B3GLCT: variants seen among roughly 807,000 people sequenced by gnomAD.
The protein encoded by B3GLCT is beta 3-glucosyltransferase.
In B3GLCT, 65 loss-of-function variants were observed where a neutral mutation model predicts 63.4. The observed-to-expected ratio is 1.03, with a 90% CI of 0.84 to 1.26. The LOEUF is 1.26. B3GLCT is among the 50% of genes most tolerant of loss of function. B3GLCT has a pLI of 0.00. For synonymous variants in B3GLCT, 233 were observed against 219.2 expected (o/e 1.06, Z -0.55); for missense variants, 577 against 604.8 (o/e 0.95, Z 0.48).
chr13:31,275,441 A>T (rs913073889), intron 9 of B3GLCT, among the ~76,000 whole-genome samples: 1 of 152,170 alleles, frequency 6.6e-6, no homozygotes, highest in Non-Finnish European at 1.5e-5. Context: ...TTGATGATGT[A>T]GGATGCATTG....
At chr13:31,275,624 AG>A (rs1872747254) in intron 9 of B3GLCT, among the ~76,000 whole-genome samples, 2 of 152,188 alleles carry the variant, frequency 1.3e-5, no homozygotes, top group African/African-American at 4.8e-5. Context: ...GGCAGACCCA[AG>A]GTCCAGCCCC....
At chr13:31,322,711 T>A (rs1875390860) in intron 13 of B3GLCT, among the ~76,000 whole-genome samples, 1 of 152,144 alleles carries the variant, frequency 6.6e-6, no homozygotes, top group African/African-American at 2.4e-5. Context: ...ATAAAGTTAG[T>A]TTTTCAGAGA....
At chr13:31,287,882 A>G (rs1281653319) in intron 12 of B3GLCT, among the ~76,000 whole-genome samples, 1 of 152,220 alleles carries the variant, frequency 6.6e-6, no homozygotes. Context: ...GATGGGTTTA[A>G]TAGCAAATTC....
intron 13 of B3GLCT, 138 bp downstream of exon 13, chr13:31,317,823 G>T: frequency 9.8e-7 from 1 of 1,019,382 alleles, no homozygotes; most frequent in Non-Finnish European, 1.5e-6. Flanking sequence ...ATAGGAAAGT[G>T]AACATTATAT....
At chr13:31,318,056 G>A (rs542871383) in intron 13 of B3GLCT, among the ~76,000 whole-genome samples, 12 of 152,022 alleles carry the variant, frequency 7.9e-5, no homozygotes, top group South Asian at 6.2e-4. Context: ...TTAATAAATC[G>A]CCTTTGGAGA....
At chr13:31,262,096 C>T (rs9529933) in intron 7 of B3GLCT, among the ~76,000 whole-genome samples, 50,130 of 151,980 alleles carry the variant, frequency 0.33, 9,168 homozygotes, top group Non-Finnish European at 0.42. Context: ...AATTGAGACT[C>T]GTAGCAAAGG....
intron 13 of B3GLCT, among the ~76,000 whole-genome samples, chr13:31,320,931 A>G (rs1229323445): frequency 6.6e-6 from 1 of 152,228 alleles, no homozygotes; most frequent in Non-Finnish European, 1.5e-5. Context: ...CCTTTAGCCC[A>G]ATCTAGCCTC....
chr13:31,272,494 G>A (rs1025859532), intron 8 of B3GLCT, among the ~76,000 whole-genome samples: 2 of 152,078 alleles, frequency 1.3e-5, no homozygotes, highest in African/African-American at 4.8e-5. Context: ...GGGATTACAG[G>A]AGTGAGCCAC....
intron 10 of B3GLCT, among the ~76,000 whole-genome samples, chr13:31,281,105 G>A (rs1262630371): frequency 3.3e-5 from 5 of 152,094 alleles, no homozygotes; most frequent in Non-Finnish European, 7.3e-5. Flanking sequence ...TTGTGTACAT[G>A]TCTCATGTAC....
intron 4 of B3GLCT, among the ~76,000 whole-genome samples, chr13:31,233,156 A>G (rs1433030818): frequency 2.6e-5 from 4 of 152,210 alleles, no homozygotes; most frequent in African/African-American, 9.7e-5. Context: ...TAAGTAACTT[A>G]TGTATTTTAT....
At chr13:31,235,263 AG>A (rs1379525425) in intron 4 of B3GLCT, among the ~76,000 whole-genome samples, 2 of 152,068 alleles carry the variant, frequency 1.3e-5, no homozygotes, top group African/African-American at 4.8e-5. Context: ...ATCTGAAGTG[AG>A]GGTGTGAGTA....
chr13:31,232,084 T>C (rs1014336243), intron 4 of B3GLCT, among the ~76,000 whole-genome samples: 2 of 152,228 alleles, frequency 1.3e-5, no homozygotes, highest in African/African-American at 2.4e-5. Context: ...CTTGTTACCT[T>C]GTGCCAAGAC....
chr13:31,257,428 A>C (rs1871797705), intron 6 of B3GLCT, among the ~76,000 whole-genome samples: 1 of 151,930 alleles, frequency 6.6e-6, no homozygotes. Context: ...TGGTTGTTAC[A>C]GGGTATTCTT....
chr13:31,300,940 G>A (rs1480979624), intron 12 of B3GLCT, among the ~76,000 whole-genome samples: 2 of 152,130 alleles, frequency 1.3e-5, no homozygotes, highest in African/African-American at 4.8e-5. Flanking sequence ...GGGAGAGACT[G>A]TTAGCATCCT....
intron 12 of B3GLCT, among the ~76,000 whole-genome samples, chr13:31,287,381 C>T (rs545139979): frequency 6.6e-6 from 1 of 152,226 alleles, no homozygotes; most frequent in African/African-American, 2.4e-5. Flanking sequence ...GGCTGGAAAA[C>T]CCCTGTTCAC....
chr13:31,259,540 CT>C (rs139037410), intron 6 of B3GLCT, among the ~76,000 whole-genome samples: 7,052 of 151,134 alleles, frequency 0.047, 175 homozygotes, highest in Non-Finnish European at 0.051. Context: ...CTGCTTGGTT[CT>C]TTTTTTCCCC....
chr13:31,273,662 A>T (rs1426042393), intron 8 of B3GLCT, among the ~76,000 whole-genome samples: 2 of 151,962 alleles, frequency 1.3e-5, no homozygotes, highest in Non-Finnish European at 2.9e-5. Context: ...CCTTTGGAAA[A>T]ATCCTCTGAG....
At position 31,246,792 on chromosome 13, in the gene B3GLCT, A is replaced by G. The variant is rs1924822; in HGVS notation, c.271-231A>G. ...TGGGTGTGTGGGTGGTGCAGAGTGT[A>G]GAGGTTGCATGGATTCAGCCAAAAT... is the stretch of plus-strand genomic sequence containing the variant. On this transcript the variant is annotated intron_variant, in intron 4 of 14. Transcript: ENST00000343307. Among the ~76,000 whole-genome samples the G allele has an allele frequency of 5.9e-3, 904 of 152,258 alleles. 9 individuals carry two copies. The highest frequency in any genetic ancestry group is 0.021 in the African/African-American group (874 of 41,548).
intron 4 of B3GLCT, among the ~76,000 whole-genome samples, chr13:31,239,858 A>C (rs1348428942): frequency 6.6e-6 from 1 of 152,202 alleles, no homozygotes; most frequent in Admixed American, 6.5e-5. Flanking sequence ...GAGAAGATAA[A>C]GCATAATTGC....
Sources: allele counts gnomAD v4.1 joint callset (sites outside exome capture counted in the v4.1 genomes callset), GRCh38; gene constraint gnomAD v4.1.1; transcripts MANE v1.5; gene names NCBI Gene and HGNC (gene_info 2026-07-23, HGNC 2026-07-21).